Variants in SBNO1 observed in about 807,000 individuals in gnomAD.
SBNO1 encodes strawberry notch homolog 1, also known as protein strawberry notch homolog 1.
SBNO1 carries 23 observed loss-of-function variants against 173.6 expected under a neutral mutation model. That is an observed-to-expected ratio of 0.13 (90% CI 0.10 to 0.19). The LOEUF is 0.19. Among genes scored for constraint, SBNO1 ranks in the 10% least tolerant of loss-of-function variants. The pLI is 1.00. For missense variants in SBNO1, 1,238 were observed against 1,671.2 expected (o/e 0.74, Z 4.52); for synonymous variants, 632 against 571.5 (o/e 1.11, Z -1.51).
chr12:123,328,116 G>T, intron 10 of SBNO1, 89 bp from the exon 11 acceptor site: 1 of 1,085,480 alleles, frequency 9.2e-7, no homozygotes, highest in Middle Eastern at 3.1e-4. Context: ...ATTTCCCTGA[G>T]GCCTTCTGAT....
At chr12:123,349,050 G>A (rs1445450890) in intron 2 of SBNO1, 1 of 147,482 alleles carries the variant, frequency 6.8e-6, no homozygotes, top group East Asian at 2.0e-4. Flanking sequence ...AAAGAAATCT[G>A]TAACTGGCTG....
chr12:123,320,360 CA>C, intron 19 of SBNO1, 71 bp downstream of exon 19: 1 of 1,306,552 alleles, frequency 7.7e-7, no homozygotes, highest in Non-Finnish European at 1.1e-6. Context: ...TATGTGAAGA[CA>C]GTCAAAATAC....
intron 10 of SBNO1, among the ~76,000 whole-genome samples, chr12:123,328,367 T>C (rs1025943226): frequency 7.9e-5 from 12 of 152,228 alleles, no homozygotes; most frequent in African/African-American, 2.9e-4. Flanking sequence ...ATGTTCCTCA[T>C]GCAGGACAGT....
At chr12:123,354,505 C>T (rs9795593) in intron 1 of SBNO1, among the ~76,000 whole-genome samples, 144,961 of 152,224 alleles carry the variant, frequency 0.95, 69,154 homozygotes, top group Non-Finnish European at 0.96. Context: ...GGAAAGGGGA[C>T]AGAGAGAGAA....
chr12:123,311,712 CTATCTATCTATATATATATATATA>C (rs1566027653), intron 24 of SBNO1, among the ~76,000 whole-genome samples: 42 of 69,088 alleles, frequency 6.1e-4, no homozygotes, highest in African/African-American at 1.9e-3. Context: ...ATCTATCTAT[CTATCTATCTATATATATATATATA>C]TATATATATA....
intron 19 of SBNO1, 150 bp from the exon 20 acceptor site, chr12:123,320,181 T>A: frequency 1.0e-6 from 1 of 959,532 alleles, no homozygotes; most frequent in Admixed American, 2.8e-5. Flanking sequence ...ACAGAGTCCC[T>A]GGAAAAACCT....
At chr12:123,348,346 G>A (rs1383793248) in intron 2 of SBNO1, among the ~76,000 whole-genome samples, 3 of 152,202 alleles carry the variant, frequency 2.0e-5, no homozygotes, top group African/African-American at 7.2e-5. Flanking sequence ...TTTGTAGGCC[G>A]GGAGTGGTGG....
At chr12:123,327,289 A>C in intron 13 of SBNO1, 137 bp downstream of exon 13, 14 of 723,346 alleles carry the variant, frequency 1.9e-5, no homozygotes, top group Non-Finnish European at 3.2e-5. Flanking sequence ...GAGGCATGAG[A>C]CACCGTGCCT....
chr12:123,293,572 G>C lies in SBNO1; in HGVS notation c.*2336C>G, dbSNP rs1328605203. ...CCATCCATTCACACTGGTTGCCTTTGTGAGGTCCATTTTGAGAGGGCTTTC... is the reference window on the plus strand; with the variant it reads ...CCATCCATTCACACTGGTTGCCTTTCTGAGGTCCATTTTGAGAGGGCTTTC... On this transcript the variant is annotated 3_prime_UTR_variant, in exon 32 of 32. Transcript: ENST00000602398. The C allele has an allele frequency of 1.3e-5, 2 of 152,064 alleles. No individual in the cohort carries two copies. Among genetic ancestry groups the C allele is most frequent in the South Asian group, 2.1e-4 (1 of 4,824 alleles). 9.4% of individuals were successfully genotyped at this position (152,064 alleles called of 1,614,324 possible).
At chr12:123,338,145 C>T (rs868538055) in intron 5 of SBNO1, among the ~76,000 whole-genome samples, 3 of 152,184 alleles carry the variant, frequency 2.0e-5, no homozygotes, top group Non-Finnish European at 4.4e-5. Context: ...AGATGGGGAA[C>T]GTGGGCCTGG....
chr12:123,360,970 G>A (rs1875084999), intron 1 of SBNO1, among the ~76,000 whole-genome samples: 1 of 152,110 alleles, frequency 6.6e-6, no homozygotes, highest in African/African-American at 2.4e-5. Flanking sequence ...AATTGGCCGG[G>A]CACAGTGGCT....
chr12:123,342,212 T>C (rs931683880), intron 4 of SBNO1, among the ~76,000 whole-genome samples: 1 of 151,672 alleles, frequency 6.6e-6, no homozygotes, highest in Non-Finnish European at 1.5e-5. Context: ...ATTGCATCAT[T>C]GAACTCCAGC....
chr12:123,302,519 C>T (rs991572745), intron 30 of SBNO1, among the ~76,000 whole-genome samples: 2 of 152,132 alleles, frequency 1.3e-5, no homozygotes, highest in Admixed American at 1.3e-4. Flanking sequence ...GCTGGGATTA[C>T]AGGCGTGAGC....
In SBNO1 at chr12:123,309,361, C is replaced by T. The variant is rs779616738; in HGVS notation, c.3579G>A (p.Lys1193=). The T allele has an allele frequency of 6.2e-7, 1 of 1,614,186 alleles. No individual in the cohort carries two copies. Among genetic ancestry groups the T allele is most frequent in the Non-Finnish European group, 8.5e-7 (1 of 1,180,018 alleles). Residue 1193 remains lysine, a synonymous_variant, in exon 28 of 32, where the codon AAG becomes AAA. Transcript: ENST00000602398. ...ERGMSWEEAT[K]IWAELTGPDD... is the part of the protein sequence containing the mutation. ...CTGGTCCTGTCAGCTCAGCCCAAAT[C>T]TTGGTAGCTTCCTCCCATGACATTC... is the stretch of plus-strand genomic sequence containing the variant.
At chr12:123,350,210 C>G (rs562928398) in intron 2 of SBNO1, 100 bp downstream of exon 2, 1 of 1,357,556 alleles carries the variant, frequency 7.4e-7, no homozygotes, top group Non-Finnish European at 1.0e-6. Context: ...GCCATGACTG[C>G]ACCACTGCAC....
chr12:123,308,408 A>C (rs754125320), intron 28 of SBNO1, among the ~76,000 whole-genome samples: 8 of 151,996 alleles, frequency 5.3e-5, no homozygotes, highest in East Asian at 1.9e-4. Flanking sequence ...CAGTGGCTCA[A>C]GCCTGTAATC....
rs747768629 is a variant in SBNO1, at chr12:123,326,307, G to C, written c.1720C>G (p.Gln574Glu). Residue 574 changes from glutamine to glutamate, a missense_variant, in exon 14 of 32, where the codon CAA becomes GAA. Gln to Glu is a conservative substitution (Grantham distance 29). This residue lies in a region of SBNO1 where 182 missense variants were observed against 339.9 expected (regional missense o/e 0.54). Transcript: ENST00000602398. ...TCAGCATCAATCAGATCTGCAGCTT[G>C]CTGAAACCGCTCTCTGGCGATGACC... ...LWVIARERFQQAADLIDAEQR... is the reference protein window; with the variant it reads ...LWVIARERFQEAADLIDAEQR... 1 of 1,604,452 alleles carries C rather than the reference G, an allele frequency of 6.2e-7. No homozygotes were observed. Among genetic ancestry groups the C allele is most frequent in the Admixed American group, 1.7e-5 (1 of 58,808 alleles).
chr12:123,289,688 A>C lies in SBNO1; in HGVS notation c.*6220T>G, dbSNP rs910826424. On this transcript the variant is annotated 3_prime_UTR_variant, in exon 32 of 32. Coordinates refer to ENST00000602398, the MANE Select transcript of SBNO1 (RefSeq NM_001167856.3). ...ACCTCTCATGGATGATGGAAGATAC[A>C]AGTGGTTATTGAAAAATCATATCAG... The C allele has an allele frequency of 6.6e-6, 1 of 152,268 alleles. No homozygotes were observed. Among genetic ancestry groups the C allele is most frequent in the African/African-American group, 2.4e-5 (1 of 41,464 alleles). 9.4% of individuals were successfully genotyped at this position (152,268 alleles called of 1,614,324 possible). A position where few individuals can be genotyped will look rare whatever the true frequency, so the allele number is the denominator to read the frequency against.
At chr12:123,317,197 G>T in intron 21 of SBNO1, 24 bp downstream of exon 21, 1 of 1,612,750 alleles carries the variant, frequency 6.2e-7, no homozygotes. Flanking sequence ...TCCATTAAGT[G>T]AAATCCAGTT....
Sources: gnomAD v4.1 joint callset for allele counts (sites outside exome capture counted in the v4.1 genomes callset) on GRCh38, gnomAD v4.1.1 for gene constraint, gnomAD v4.1.1 regional missense constraint, MANE v1.5 for transcripts, NCBI Gene and HGNC (gene_info 2026-07-23, HGNC 2026-07-21) for gene names.